KCNIP1: variants seen among roughly 807,000 people sequenced by gnomAD.
The protein encoded by KCNIP1 is potassium voltage-gated channel interacting protein 1.
A neutral mutation model predicts 33.0 loss-of-function variants in KCNIP1; 18 were observed. The observed-to-expected ratio is 0.55, with a 90% CI of 0.38 to 0.81. KCNIP1 has a LOEUF of 0.81. Among genes scored for constraint, KCNIP1 ranks in the 30% least tolerant of loss-of-function variants. KCNIP1 has a pLI of 0.00. For missense variants in KCNIP1, 238 were observed against 271.6 expected, an observed-to-expected ratio of 0.88 and a Z score of 0.87; for synonymous variants, 93 against 98.3, an observed-to-expected ratio of 0.95 and a Z score of 0.32.
intron 1 of KCNIP1, among the ~76,000 whole-genome samples, chr5:170,555,914 GAATGCAAA>G (rs1756827339): frequency 6.6e-6 from 1 of 152,164 alleles, no homozygotes; most frequent in Non-Finnish European, 1.5e-5. Flanking sequence ...CAAGGAAAGC[GAATGCAAA>G]GGAAACACCA....
chr5:170,370,729 A>G (rs538803975), intron 1 of KCNIP1, among the ~76,000 whole-genome samples: 4 of 152,358 alleles, frequency 2.6e-5, no homozygotes, highest in East Asian at 1.9e-4. Flanking sequence ...GCAATGGCCC[A>G]GCATGGCTGA....
At chr5:170,652,009 A>G (rs1463302812) in intron 1 of KCNIP1, among the ~76,000 whole-genome samples, 1 of 152,228 alleles carries the variant, frequency 6.6e-6, no homozygotes, top group Non-Finnish European at 1.5e-5. Flanking sequence ...ATATTAAACC[A>G]CCAGGAAGTT....
intron 1 of KCNIP1, among the ~76,000 whole-genome samples, chr5:170,424,733 T>G (rs1413982464): frequency 6.6e-6 from 1 of 152,152 alleles, no homozygotes; most frequent in Non-Finnish European, 1.5e-5. Context: ...TGAGCGATCT[T>G]TTAAAAGTAG....
intron 1 of KCNIP1, among the ~76,000 whole-genome samples, chr5:170,497,078 T>C (rs1464806170): frequency 2.6e-5 from 4 of 152,130 alleles, no homozygotes; most frequent in Admixed American, 6.5e-5. Flanking sequence ...AGTTCCCTAA[T>C]GCAGGGAGCA....
chr5:170,421,416 A>G (rs1755488260), intron 1 of KCNIP1, among the ~76,000 whole-genome samples: 1 of 152,174 alleles, frequency 6.6e-6, no homozygotes, highest in South Asian at 2.1e-4. Flanking sequence ...GTCTTGGCCC[A>G]TTATGGCTGC....
chr5:170,509,935 G>A (rs1234203578), intron 1 of KCNIP1, among the ~76,000 whole-genome samples: 1 of 152,142 alleles, frequency 6.6e-6, no homozygotes, highest in African/African-American at 2.4e-5. Context: ...TATATTTCAG[G>A]TTCGTTCACC....
intron 1 of KCNIP1, among the ~76,000 whole-genome samples, chr5:170,507,367 C>A (rs1183602442): frequency 6.6e-6 from 1 of 152,210 alleles, no homozygotes; most frequent in Non-Finnish European, 1.5e-5. Flanking sequence ...GCAAGTCAAG[C>A]ATTTAGCACA....
chr5:170,683,009 C>A (rs1581495194), intron 1 of KCNIP1, among the ~76,000 whole-genome samples: 1 of 152,166 alleles, frequency 6.6e-6, no homozygotes, highest in East Asian at 1.9e-4. Flanking sequence ...AAGTATCCAT[C>A]TTCCTTCCCC....
intron 1 of KCNIP1, among the ~76,000 whole-genome samples, chr5:170,539,606 G>A (rs1053607233): frequency 1.3e-5 from 2 of 152,108 alleles, no homozygotes; most frequent in Admixed American, 6.5e-5. Flanking sequence ...TCCCCATAGC[G>A]CTCATCCCAA....
intron 1 of KCNIP1, among the ~76,000 whole-genome samples, chr5:170,573,379 G>T (rs529141463): frequency 2.0e-5 from 3 of 152,302 alleles, no homozygotes; most frequent in Admixed American, 1.3e-4. Context: ...ATGTCCCAGG[G>T]CAGTGCCTCT....
At chr5:170,514,713 T>A (rs1755061570) in intron 1 of KCNIP1, among the ~76,000 whole-genome samples, 1 of 152,174 alleles carries the variant, frequency 6.6e-6, no homozygotes, top group African/African-American at 2.4e-5. Context: ...GCTTTAAGCA[T>A]CTCTTGAGTG....
At chr5:170,661,735 C>G (rs1457902676) in intron 1 of KCNIP1, among the ~76,000 whole-genome samples, 3 of 152,200 alleles carry the variant, frequency 2.0e-5, no homozygotes, top group African/African-American at 7.2e-5. Flanking sequence ...TCATTCACAC[C>G]TACCCACTCA....
intron 1 of KCNIP1, among the ~76,000 whole-genome samples, chr5:170,426,150 C>G (rs1755608130): frequency 2.0e-5 from 3 of 152,110 alleles, no homozygotes. Context: ...TGATGCAGAG[C>G]TCCTCCATGG....
At chr5:170,615,277 C>T (rs1344433747) in intron 1 of KCNIP1, among the ~76,000 whole-genome samples, 1 of 152,150 alleles carries the variant, frequency 6.6e-6, no homozygotes, top group Admixed American at 6.5e-5. Context: ...ACAGCCTGGG[C>T]ACGTAGCTAC....
chr5:170,676,354 C>T (rs1165824171), intron 1 of KCNIP1, among the ~76,000 whole-genome samples: 1 of 152,162 alleles, frequency 6.6e-6, no homozygotes, highest in Non-Finnish European at 1.5e-5. Flanking sequence ...AGATAAAGAA[C>T]ACACGAATCA....
upstream of KCNIP1, among the ~76,000 whole-genome samples, chr5:170,500,008 G>A (rs560564045): frequency 6.6e-6 from 1 of 152,322 alleles, no homozygotes; most frequent in South Asian, 2.1e-4. Context: ...CCCAGTCTGG[G>A]TGGCTTATAC....
chr5:170,595,555 T>C (rs1192894617), intron 1 of KCNIP1, among the ~76,000 whole-genome samples: 1 of 152,152 alleles, frequency 6.6e-6, no homozygotes, highest in Non-Finnish European at 1.5e-5. Context: ...AGGACCACCC[T>C]CCAGAATATG....
At chr5:170,599,648 C>G (rs1270533837) in intron 1 of KCNIP1, among the ~76,000 whole-genome samples, 1 of 89,546 alleles carries the variant, frequency 1.1e-5, no homozygotes, top group Non-Finnish European at 2.0e-5. Context: ...TGGGGAAGAG[C>G]GAGAAGTTCC....
exon 1 of KCNIP1, chr5:170,353,875 C>T: frequency 1.2e-6 from 2 of 1,613,916 alleles, no homozygotes; most frequent in Non-Finnish European, 1.7e-6. Context: ...CCCTCCGCCA[C>T]CATGAGCGGC....
Sources: gnomAD v4.1 joint callset for allele counts (sites outside exome capture counted in the v4.1 genomes callset) on GRCh38, gnomAD v4.1.1 for gene constraint, MANE v1.5 for transcripts, NCBI Gene and HGNC (gene_info 2026-07-23, HGNC 2026-07-21) for gene names.